The following ADARB2 variants were observed in gnomAD, a reference collection of about 807,000 sequenced individuals.
The protein encoded by ADARB2 is adenosine deaminase RNA specific B2 (inactive).
In ADARB2, 25 loss-of-function variants were observed where a neutral mutation model predicts 62.2. The observed-to-expected ratio is 0.40, with a 90% CI of 0.29 to 0.56. The LOEUF is 0.56. Among genes scored for constraint, ADARB2 ranks in the 20% least tolerant of loss-of-function variants. The pLI is 0.43. For synonymous variants in ADARB2, 572 were observed against 500.8 expected, an observed-to-expected ratio of 1.14 and a Z score of -1.90; for missense variants, 1,071 against 1,077.4, an observed-to-expected ratio of 0.99 and a Z score of 0.08.
At chr10:1,251,935 C>T (rs192835290) in intron 4 of ADARB2, among the ~76,000 whole-genome samples, 240 of 152,292 alleles carry the variant, frequency 1.6e-3, no homozygotes, top group African/African-American at 5.3e-3. Flanking sequence ...AGCCTGCTGA[C>T]GTCTGGATTG....
At chr10:1,661,913 G>T (rs1834253729) in intron 1 of ADARB2, among the ~76,000 whole-genome samples, 1 of 152,138 alleles carries the variant, frequency 6.6e-6, no homozygotes, top group African/African-American at 2.4e-5. Context: ...AGGGAAAGGG[G>T]CTAGGAGCTA....
chr10:1,423,203 G>A (rs1369285753), intron 1 of ADARB2, among the ~76,000 whole-genome samples: 1 of 152,224 alleles, frequency 6.6e-6, no homozygotes, highest in Non-Finnish European at 1.5e-5. Context: ...CTAAGCTGGA[G>A]TCCTGGCCCG....
At chr10:1,641,336 G>A (rs1018307156) in intron 1 of ADARB2, among the ~76,000 whole-genome samples, 5 of 152,214 alleles carry the variant, frequency 3.3e-5, no homozygotes, top group Admixed American at 6.5e-5. Context: ...CCTGCCACGT[G>A]CTGACCTATC....
chr10:1,695,398 A>G (rs916654751), intron 1 of ADARB2, among the ~76,000 whole-genome samples: 3 of 152,294 alleles, frequency 2.0e-5, no homozygotes, highest in Admixed American at 1.3e-4. Context: ...CTCACATCAG[A>G]TGCTCAGTAG....
intron 1 of ADARB2, among the ~76,000 whole-genome samples, chr10:1,546,030 C>G (rs1289201420): frequency 6.6e-6 from 1 of 151,894 alleles, no homozygotes; most frequent in Non-Finnish European, 1.5e-5. Flanking sequence ...AAGAAAGCAC[C>G]AAGGAGCTGA....
intron 1 of ADARB2, among the ~76,000 whole-genome samples, chr10:1,636,780 A>T (rs894570966): frequency 1.3e-4 from 20 of 148,802 alleles, no homozygotes; most frequent in Non-Finnish European, 2.7e-4. Flanking sequence ...TATATGAAAT[A>T]TATCAATATT....
intron 1 of ADARB2, among the ~76,000 whole-genome samples, chr10:1,436,256 A>T (rs936953944): frequency 6.6e-6 from 1 of 152,232 alleles, no homozygotes; most frequent in African/African-American, 2.4e-5. Flanking sequence ...AGAATTTTAC[A>T]ATATGGAGAA....
rs75414126 is a variant in ADARB2, at chr10:1,512,689, C to A, written c.101-133529G>T. On this transcript the variant is annotated intron_variant, in intron 1 of 9. Coordinates refer to ENST00000381312, the MANE Select transcript of ADARB2 (RefSeq NM_018702.4). ...TTTCTGCTCTCATTGCCAGACAACA[C>A]CTTCTCAGGGGTCATAGCTTCAGCC... is the stretch of plus-strand genomic sequence containing the variant. 7.2e-5 allele frequency among the ~76,000 whole-genome samples: 11 copies of A among 152,348 alleles called. No individual in the cohort carries two copies. In the East Asian group the frequency reaches 1.9e-3, roughly 27 times the overall value.
At chr10:1,483,570 A>G (rs1831502911) in intron 1 of ADARB2, among the ~76,000 whole-genome samples, 1 of 152,258 alleles carries the variant, frequency 6.6e-6, no homozygotes, top group African/African-American at 2.4e-5. Context: ...TGGAAAAGTC[A>G]GAAATCTCTT....
At position 1,602,728 on chromosome 10, in the gene ADARB2, GTACA is replaced by G. The variant is rs1412974107; in HGVS notation, c.100+134319_100+134322del. Among the ~76,000 whole-genome samples, 258 of 139,306 alleles carry G rather than the reference GTACA, an allele frequency of 1.9e-3. 2 individuals are homozygous for G. The highest frequency in any genetic ancestry group is 2.4e-3 in the Non-Finnish European group (155 of 64,170). The allele number at this position is 139,306 out of a possible 152,430, so 91.4% of individuals were successfully genotyped here. Reference sequence around the variant, plus strand: ...TCCACACACATATGCACACACACCTGTACATACAGACACACAACACACACACACC... The same window carrying G: ...TCCACACACATATGCACACACACCTGTACAGACACACAACACACACACACC... On this transcript the variant is annotated intron_variant, in intron 1 of 9. Transcript: ENST00000381312.
At chr10:1,628,715 A>G (rs1833803109) in intron 1 of ADARB2, among the ~76,000 whole-genome samples, 1 of 152,222 alleles carries the variant, frequency 6.6e-6, no homozygotes. Flanking sequence ...TTTAAATGAA[A>G]TCCTTCTTTT....
chr10:1,727,558 G>C (rs558563831), intron 1 of ADARB2, among the ~76,000 whole-genome samples: 1 of 152,220 alleles, frequency 6.6e-6, no homozygotes, highest in African/African-American at 2.4e-5. Context: ...TGATATTGTA[G>C]AAAGAATAGA....
At chr10:1,213,536 G>C (rs1211452000) in intron 7 of ADARB2, among the ~76,000 whole-genome samples, 1 of 152,194 alleles carries the variant, frequency 6.6e-6, no homozygotes, top group African/African-American at 2.4e-5. Context: ...CCTGTCACCA[G>C]ACTCGGGGAT....
chr10:1,566,128 A>G (rs1832860561), intron 1 of ADARB2, among the ~76,000 whole-genome samples: 2 of 146,756 alleles, frequency 1.4e-5, no homozygotes, highest in South Asian at 2.2e-4. Context: ...GTGTACAGTG[A>G]GTGTGTGTGT....
At chr10:1,351,457 T>C (rs1400446477) in intron 3 of ADARB2, among the ~76,000 whole-genome samples, 2 of 151,628 alleles carry the variant, frequency 1.3e-5, no homozygotes, top group African/African-American at 4.9e-5. Flanking sequence ...GACAATACTC[T>C]TTTAAGTACT....
At chr10:1,333,693 A>G (rs1182804508) in intron 3 of ADARB2, among the ~76,000 whole-genome samples, 1 of 152,128 alleles carries the variant, frequency 6.6e-6, no homozygotes, top group Admixed American at 6.5e-5. Context: ...TCAACTGCAG[A>G]CCTCAAAGTC....
chr10:1,324,051 T>C (rs531803222), intron 3 of ADARB2, among the ~76,000 whole-genome samples: 2 of 152,150 alleles, frequency 1.3e-5, no homozygotes, highest in African/African-American at 2.4e-5. Context: ...TCAAAACTTA[T>C]CAGCAAAAAC....
At chr10:1,416,015 A>C (rs1264125011) in intron 1 of ADARB2, among the ~76,000 whole-genome samples, 1 of 152,238 alleles carries the variant, frequency 6.6e-6, no homozygotes, top group African/African-American at 2.4e-5. Context: ...GGGAAATAAC[A>C]ATAGGACCAA....
chr10:1,621,866 G>C (rs892791236), intron 1 of ADARB2, among the ~76,000 whole-genome samples: 2 of 151,838 alleles, frequency 1.3e-5, no homozygotes, highest in Non-Finnish European at 2.9e-5. Flanking sequence ...AGAATGTCAA[G>C]CTCCTCTTAA....
Sources: gnomAD v4.1 joint callset for allele counts (sites outside exome capture counted in the v4.1 genomes callset) on GRCh38, gnomAD v4.1.1 for gene constraint, MANE v1.5 for transcripts, NCBI Gene and HGNC (gene_info 2026-07-23, HGNC 2026-07-21) for gene names.